DGKB: variants seen among roughly 807,000 people sequenced by gnomAD.
The protein encoded by DGKB is 90 kDa diacylglycerol kinase.
Under a neutral mutation model 114.3 loss-of-function variants are expected in DGKB, and 67 were observed. The observed-to-expected ratio is 0.59, with a 90% CI of 0.48 to 0.72. DGKB has a LOEUF of 0.72. DGKB is among the 30% of genes least tolerant of loss of function. DGKB has a pLI of 0.00. For synonymous variants in DGKB, 398 were observed against 323.1 expected, an observed-to-expected ratio of 1.23 and a Z score of -2.49; for missense variants, 907 against 975.2, an observed-to-expected ratio of 0.93 and a Z score of 0.93.
chr7:14,531,716 G>A (rs1257814320), intron 20 of DGKB, among the ~76,000 whole-genome samples: 3 of 150,908 alleles, frequency 2.0e-5, no homozygotes, highest in South Asian at 4.2e-4. Flanking sequence ...AAAGAACCCA[G>A]AAAAGCCAAA....
intron 1 of DGKB, among the ~76,000 whole-genome samples, chr7:14,882,136 G>C (rs868001863): frequency 1.4e-4 from 22 of 151,960 alleles, no homozygotes; most frequent in Admixed American, 3.3e-4. Flanking sequence ...AAGATTAATA[G>C]AGAGTAGGAA....
intron 23 of DGKB, among the ~76,000 whole-genome samples, chr7:14,310,946 C>G (rs2215036): frequency 0.65 from 99,182 of 151,840 alleles, 33,545 homozygotes; most frequent in South Asian, 0.74. Context: ...CTGGGGAACA[C>G]AGTGAGACCT....
intron 20 of DGKB, among the ~76,000 whole-genome samples, chr7:14,536,698 G>A (rs565077364): frequency 1.3e-5 from 2 of 152,246 alleles, no homozygotes; most frequent in South Asian, 4.2e-4. Context: ...GGTCACATAT[G>A]AATATCCTAC....
rs148873704 is a variant in DGKB at position 14,323,568 on chromosome 7, T to C, written c.2122+14947A>G. On this transcript the variant is annotated intron_variant, in intron 23 of 25. Transcript: ENST00000402815. Reference sequence around the variant, plus strand: ...TAACAATGACCTGTTTTCAGTGACCTGAAAGAAGCAAGTGAGAAGCCATGC... The same window carrying C: ...TAACAATGACCTGTTTTCAGTGACCCGAAAGAAGCAAGTGAGAAGCCATGC... Among the ~76,000 whole-genome samples, 849 of 152,220 alleles carry C rather than the reference T, an allele frequency of 5.6e-3. 11 individuals are homozygous for C. Among genetic ancestry groups the C allele is most frequent in the African/African-American group, 0.02 (811 of 41,522 alleles).
intron 1 of DGKB, among the ~76,000 whole-genome samples, chr7:14,875,549 G>A (rs1853148032): frequency 6.6e-6 from 1 of 152,116 alleles, no homozygotes. Flanking sequence ...ATTGGTAAAA[G>A]TAGATAACGC....
At chr7:14,665,957 A>T (rs1405248569) in intron 13 of DGKB, among the ~76,000 whole-genome samples, 1 of 152,004 alleles carries the variant, frequency 6.6e-6, no homozygotes, top group Non-Finnish European at 1.5e-5. Flanking sequence ...ACTACCCAAA[A>T]TAATTTCAAA....
chr7:14,747,411 G>T (rs994989633), intron 4 of DGKB, among the ~76,000 whole-genome samples: 1 of 151,450 alleles, frequency 6.6e-6, no homozygotes, highest in Non-Finnish European at 1.5e-5. Context: ...ATTGAGAAAT[G>T]TTTCTTCAAT....
At chr7:14,593,505 A>G (rs192834305) in intron 17 of DGKB, among the ~76,000 whole-genome samples, 50 of 152,142 alleles carry the variant, frequency 3.3e-4, no homozygotes, top group African/African-American at 1.1e-3. Context: ...AAACACTAAT[A>G]TTTAGTTGAA....
intron 1 of DGKB, among the ~76,000 whole-genome samples, chr7:14,971,956 G>A (rs182224467): frequency 6.6e-6 from 1 of 152,190 alleles, no homozygotes; most frequent in Non-Finnish European, 1.5e-5. Flanking sequence ...ACGTTGGCCA[G>A]ACTGGCCTTG....
chr7:14,603,693 A>C (rs922437855), intron 17 of DGKB, among the ~76,000 whole-genome samples: 1 of 152,118 alleles, frequency 6.6e-6, no homozygotes, highest in Non-Finnish European at 1.5e-5. Context: ...GTTCAGGTAG[A>C]TGGAAGCAAA....
intron 10 of DGKB, 39 bp downstream of exon 10, chr7:14,685,206 C>G: frequency 7.3e-7 from 1 of 1,360,922 alleles, no homozygotes; most frequent in Non-Finnish European, 1.1e-6. Flanking sequence ...CCTTTCCTCA[C>G]TTGAGGAGAT....
chr7:14,876,407 G>C (rs1157640208), intron 1 of DGKB, among the ~76,000 whole-genome samples: 1 of 152,196 alleles, frequency 6.6e-6, no homozygotes, highest in Admixed American at 6.5e-5. Context: ...ACTGCCTGTT[G>C]AGTAAAGCTG....
intron 20 of DGKB, among the ~76,000 whole-genome samples, chr7:14,568,844 A>C (rs1210868944): frequency 6.6e-6 from 1 of 152,238 alleles, no homozygotes; most frequent in Non-Finnish European, 1.5e-5. Flanking sequence ...GATAGTTGAA[A>C]TAATGAAAAC....
chr7:14,848,598 C>G (rs1848949100), intron 1 of DGKB, among the ~76,000 whole-genome samples: 1 of 152,210 alleles, frequency 6.6e-6, no homozygotes, highest in Non-Finnish European at 1.5e-5. Flanking sequence ...CCCCTAAGCT[C>G]TGCTTCAAAA....
chr7:14,589,135 T>G (rs1378985304), intron 17 of DGKB, among the ~76,000 whole-genome samples: 1 of 151,994 alleles, frequency 6.6e-6, no homozygotes, highest in Non-Finnish European at 1.5e-5. Flanking sequence ...CTTCGTTGTT[T>G]TGTGGTTTTT....
At chr7:14,844,926 G>C (rs1848430312) in intron 1 of DGKB, among the ~76,000 whole-genome samples, 1 of 151,844 alleles carries the variant, frequency 6.6e-6, no homozygotes, top group East Asian at 1.9e-4. Context: ...GGGCAACATG[G>C]AGAAACCCTG....
intron 21 of DGKB, among the ~76,000 whole-genome samples, chr7:14,386,327 C>CT (rs1358449754): frequency 6.6e-6 from 1 of 152,180 alleles, no homozygotes; most frequent in Admixed American, 6.5e-5. Context: ...GAACTTCATA[C>CT]TTTTCTTAGC....
chr7:14,297,346 C>T (rs923643572), intron 23 of DGKB, among the ~76,000 whole-genome samples: 14 of 152,094 alleles, frequency 9.2e-5, no homozygotes, highest in Admixed American at 3.9e-4. Context: ...CTTCAAAAAG[C>T]GTATTCACCA....
At chr7:14,309,318 C>A (rs1031941312) in intron 23 of DGKB, among the ~76,000 whole-genome samples, 1 of 152,194 alleles carries the variant, frequency 6.6e-6, no homozygotes, top group South Asian at 2.1e-4. Context: ...ATCTCCAATA[C>A]ATTTATGTGA....
Sources: gnomAD v4.1 joint callset for allele counts (sites outside exome capture counted in the v4.1 genomes callset) on GRCh38, gnomAD v4.1.1 for gene constraint, MANE v1.5 for transcripts, NCBI Gene and HGNC (gene_info 2026-07-23, HGNC 2026-07-21) for gene names.